The following MECOM variants were observed in gnomAD, a reference collection of about 807,000 sequenced individuals.
MECOM encodes the protein MDS1 and EVI1 complex locus.
Under a neutral mutation model 116.3 loss-of-function variants are expected in MECOM, and 13 were observed. The observed-to-expected ratio is 0.11, with a 90% CI of 0.07 to 0.18. The LOEUF (loss-of-function observed/expected upper bound fraction) is 0.18. Among genes scored for constraint, MECOM ranks in the 10% least tolerant of loss-of-function variants. The probability of loss-of-function intolerance (pLI) is 1.00; values close to 1 mark genes in which losing one functional copy is unlikely to be tolerated. For missense variants in MECOM, 1,299 were observed against 1,509.0 expected, an observed-to-expected ratio of 0.86 and a Z score of 2.31; for synonymous variants, 528 against 535.2, an observed-to-expected ratio of 0.99 and a Z score of 0.19.
intron 2 of MECOM, among the ~76,000 whole-genome samples, chr3:169,200,310 A>G (rs992589799): frequency 7.9e-5 from 12 of 152,162 alleles, no homozygotes; most frequent in East Asian, 5.8e-4. Flanking sequence ...TTCTTAAATC[A>G]AAATTTGAGA....
chr3:169,487,355 T>A (rs895279029), intron 1 of MECOM, among the ~76,000 whole-genome samples: 3 of 150,482 alleles, frequency 2.0e-5, no homozygotes. Flanking sequence ...CGAAAACACT[T>A]GGCAGCAATT....
At chr3:169,101,588 A>G (rs1723567885) in intron 11 of MECOM, among the ~76,000 whole-genome samples, 1 of 149,966 alleles carries the variant, frequency 6.7e-6, no homozygotes, top group South Asian at 2.1e-4. Context: ...AAAATCACAC[A>G]CAAAACCAGA....
intron 2 of MECOM, among the ~76,000 whole-genome samples, chr3:169,339,643 CA>C (rs1425361574): frequency 6.6e-6 from 1 of 152,000 alleles, no homozygotes; most frequent in African/African-American, 2.4e-5. Context: ...ACAAGATTCC[CA>C]GCTGATGTGT....
intron 2 of MECOM, among the ~76,000 whole-genome samples, chr3:169,299,278 AC>A (rs1231368186): frequency 6.6e-6 from 1 of 151,998 alleles, no homozygotes. Flanking sequence ...AAGACTGTAA[AC>A]CCGCCGCCCA....
chr3:169,383,195 CA>C (rs1485974968), intron 1 of MECOM, among the ~76,000 whole-genome samples: 1 of 152,100 alleles, frequency 6.6e-6, no homozygotes, highest in Non-Finnish European at 1.5e-5. Context: ...ATAGCACATG[CA>C]AAAGTATTGT....
chr3:169,338,599 G>GT (rs1439308628), intron 2 of MECOM, among the ~76,000 whole-genome samples: 38 of 130,564 alleles, frequency 2.9e-4, no homozygotes, highest in African/African-American at 8.8e-4. Context: ...TTTATGTTAG[G>GT]GGTGTGTGTG....
intron 12 of MECOM, among the ~76,000 whole-genome samples, chr3:169,097,337 G>C (rs1028239717): frequency 1.3e-5 from 2 of 151,876 alleles, no homozygotes; most frequent in Admixed American, 1.3e-4. Context: ...TAAAGTCTTG[G>C]CCAGAAAAAG....
At chr3:169,298,958 G>A (rs1283451244) in intron 2 of MECOM, among the ~76,000 whole-genome samples, 2 of 152,162 alleles carry the variant, frequency 1.3e-5, no homozygotes, top group African/African-American at 2.4e-5. Context: ...ACTTAGAAAC[G>A]AATCCAGATA....
chr3:169,119,801 C>T (rs1457115027), intron 7 of MECOM, among the ~76,000 whole-genome samples: 1 of 152,082 alleles, frequency 6.6e-6, no homozygotes, highest in Non-Finnish European at 1.5e-5. Flanking sequence ...TGCTTTATTT[C>T]CCGTGACCTT....
chr3:169,090,724 A>G (rs1425880116), intron 14 of MECOM, among the ~76,000 whole-genome samples: 6 of 151,890 alleles, frequency 4.0e-5, no homozygotes, highest in Admixed American at 3.9e-4. Context: ...CCAAGAAACA[A>G]CTGGTATTTA....
At chr3:169,393,276 C>G (rs190835128) in intron 1 of MECOM, among the ~76,000 whole-genome samples, 2 of 152,236 alleles carry the variant, frequency 1.3e-5, no homozygotes, top group South Asian at 2.1e-4. Flanking sequence ...CACCCTGGAA[C>G]CTCCAGTGGC....
At chr3:169,397,386 T>C (rs367648043) in intron 1 of MECOM, among the ~76,000 whole-genome samples, 12 of 152,204 alleles carry the variant, frequency 7.9e-5, no homozygotes, top group African/African-American at 2.7e-4. Context: ...TATTTAATGA[T>C]AGACGATGAA....
At chr3:169,184,458 A>G (rs74736328) in intron 2 of MECOM, among the ~76,000 whole-genome samples, 2,878 of 152,320 alleles carry the variant, frequency 0.019, 91 homozygotes, top group African/African-American at 0.065. Flanking sequence ...ACGGAGGGCC[A>G]TGTATATCAG....
At chr3:169,636,586 T>C (rs1290671206) in intron 1 of MECOM, among the ~76,000 whole-genome samples, 2 of 152,212 alleles carry the variant, frequency 1.3e-5, no homozygotes, top group African/African-American at 4.8e-5. Context: ...AGTTTATAAC[T>C]GCCAAGTAGG....
intron 1 of MECOM, among the ~76,000 whole-genome samples, chr3:169,497,094 C>A (rs768202396): frequency 3.9e-5 from 6 of 152,156 alleles, no homozygotes; most frequent in Non-Finnish European, 7.3e-5. Flanking sequence ...TTAATCCTAG[C>A]AGTCTGATTT....
chr3:169,491,789 G>A (rs9831087), intron 1 of MECOM, among the ~76,000 whole-genome samples: 22,507 of 152,106 alleles, frequency 0.15, 1,944 homozygotes, highest in African/African-American at 0.23. Flanking sequence ...AATCCTTCTA[G>A]TTTCGTGTTT....
intron 7 of MECOM, among the ~76,000 whole-genome samples, chr3:169,117,471 C>T (rs1560193999): frequency 1.3e-5 from 2 of 152,216 alleles, no homozygotes; most frequent in African/African-American, 4.8e-5. Flanking sequence ...TTCCCATGAA[C>T]TATGATCACG....
chr3:169,208,809 T>C (rs1454579580), intron 2 of MECOM, among the ~76,000 whole-genome samples: 1 of 151,866 alleles, frequency 6.6e-6, no homozygotes, highest in African/African-American at 2.4e-5. Flanking sequence ...TCAAACTACA[T>C]TGACTTTCTT....
intron 2 of MECOM, among the ~76,000 whole-genome samples, chr3:169,191,212 C>T (rs1177936686): frequency 6.6e-6 from 1 of 151,968 alleles, no homozygotes; most frequent in Non-Finnish European, 1.5e-5. Flanking sequence ...ATTTATTGAG[C>T]TCCTACTGCA....
Sources: gnomAD v4.1 joint callset for allele counts (sites outside exome capture counted in the v4.1 genomes callset) on GRCh38, gnomAD v4.1.1 for gene constraint, MANE v1.5 for transcripts, NCBI Gene and HGNC (gene_info 2026-07-23, HGNC 2026-07-21) for gene names.